The following ASCC3 variants were observed in gnomAD, a reference collection of about 807,000 sequenced individuals.
ASCC3 encodes ASC-1 complex subunit P200.
In ASCC3, 158 loss-of-function variants were observed where a neutral mutation model predicts 256.3. The ratio of observed to expected loss-of-function variants is 0.62; its 90% confidence interval spans 0.54 to 0.70. ASCC3 has a LOEUF of 0.70. Ranked by LOEUF, ASCC3 falls within the 30% of genes least tolerant of loss-of-function variation. The probability of loss-of-function intolerance (pLI) is 0.00; values close to 1 mark genes in which losing one functional copy is unlikely to be tolerated. For synonymous variants in ASCC3, 948 were observed against 883.4 expected (o/e 1.07, Z -1.30); for missense variants, 2,259 against 2,626.0 (o/e 0.86, Z 3.05).
intron 9 of ASCC3, 100 bp from the exon 10 acceptor site, chr6:100,766,805 T>C (rs1781680547): frequency 2.1e-6 from 3 of 1,402,700 alleles, no homozygotes; most frequent in Non-Finnish European, 3.0e-6. Context: ...GAAATATGTT[T>C]CTAACTACTT....
chr6:100,767,134 T>C lies in ASCC3; in HGVS notation c.1596+11A>G. The C allele has an allele frequency of 6.2e-7, 1 of 1,611,486 alleles. No individual in the cohort carries two copies. Among genetic ancestry groups the C allele is most frequent in the Non-Finnish European group, 8.5e-7 (1 of 1,177,648 alleles). On this transcript the variant is annotated intron_variant, in intron 9 of 41. Transcript: ENST00000369162. ...CAATTTAAAAAGCTGTTGTCTGATT[T>C]ATTTACTTACCTTAAATTCATTCTT... is the stretch of plus-strand genomic sequence containing the variant.
At chr6:100,610,655 T>C (rs183517653) in intron 30 of ASCC3, among the ~76,000 whole-genome samples, 191 of 152,276 alleles carry the variant, frequency 1.3e-3, no homozygotes, top group African/African-American at 4.5e-3. Flanking sequence ...GTTCATTCTG[T>C]TTGGCCACCT....
At chr6:100,766,405 C>T (rs1781657274) in intron 10 of ASCC3, among the ~76,000 whole-genome samples, 160 bp downstream of exon 10, 1 of 152,132 alleles carries the variant, frequency 6.6e-6, no homozygotes, top group Admixed American at 6.5e-5. Flanking sequence ...CCAGCAAAAA[C>T]TCTTTGTAGT....
Position 100,679,623 on chromosome 6 carries a change from T to C in ASCC3, c.2281A>G (p.Lys761Glu). 1 of 1,613,556 alleles carries C rather than the reference T, an allele frequency of 6.2e-7. No homozygotes were observed. The highest frequency in any genetic ancestry group is 1.7e-5 in the Admixed American group (1 of 60,006). ...TTGTCCTCTTTGTTTCTTACCTGTT[T>C]TTCTGCAAGTACATAGTCATGTCCT... ...TQGHDYVLAE[K>E]QVQRSRNKQV... The change falls in exon 14 of 42, where the codon AAA (lysine) becomes GAA (glutamate). Residue 761 changes from lysine to glutamate, a missense_variant. Physicochemically the swap from Lys to Glu is moderately conservative, Grantham distance 56. Transcript: ENST00000369162.
At position 100,629,038 on chromosome 6, in the gene ASCC3, A is replaced by G; in HGVS notation, c.4352T>C (p.Ile1451Thr). Residue 1451 changes from isoleucine (I) to threonine (T), a missense_variant, in exon 27 of 42, where the codon ATC becomes ACC. By Grantham distance (89) the Ile-to-Thr change is moderately conservative. Around this residue, in one of 2 missense-constraint regions of ASCC3, gnomAD observed 1,839 missense variants for 2,206.7 expected, o/e 0.83. Coordinates refer to ENST00000369162, the MANE Select transcript of ASCC3 (RefSeq NM_006828.4). Reference protein sequence around the residue: ...RNYVQQVTILIIDEIHLLGEE... With the variant: ...RNYVQQVTILTIDEIHLLGEE... ...ACCAAGCAGATGGATCTCATCTATG[A>G]TGAGAATAGTGACTTGCTGAACATA... 6.2e-7 allele frequency: 1 copy of G among 1,613,574 alleles called. No individual in the cohort carries two copies. Among genetic ancestry groups the G allele is most frequent in the Non-Finnish European group, 8.5e-7 (1 of 1,179,806 alleles).
intron 36 of ASCC3, among the ~76,000 whole-genome samples, chr6:100,582,389 T>C (rs1367772775): frequency 2.0e-5 from 3 of 151,678 alleles, no homozygotes; most frequent in Non-Finnish European, 4.4e-5. Flanking sequence ...TCTCTGTTTG[T>C]CTGTTATTGG....
In ASCC3 at chr6:100,510,114, AC is replaced by A. The variant is rs780855046; in HGVS notation, c.6286-8del. The A allele has an allele frequency of 1.2e-6, 2 of 1,613,892 alleles. No homozygotes were observed. The highest frequency in any genetic ancestry group is 2.7e-5 in the African/African-American group (2 of 74,922). On this transcript the variant is annotated splice_polypyrimidine_tract_variant and splice_region_variant and intron_variant, in intron 40 of 41. Coordinates refer to ENST00000369162, the MANE Select transcript of ASCC3 (RefSeq NM_006828.4). ...CACAGCTCTCTGGCTTTCCCTGTAAACCAGAAAAAAAGATACAACATTAAAA... is the reference window on the plus strand; with the variant it reads ...CACAGCTCTCTGGCTTTCCCTGTAAACAGAAAAAAAGATACAACATTAAAA...
chr6:100,512,673 T>C, intron 40 of ASCC3, 36 bp downstream of exon 40: 1 of 1,589,636 alleles, frequency 6.3e-7, no homozygotes, highest in Non-Finnish European at 8.6e-7. Context: ...TGGTATTTGG[T>C]GTGAAATATT....
intron 17 of ASCC3, 27 bp from the exon 18 acceptor site, chr6:100,652,916 G>T: frequency 6.2e-7 from 1 of 1,602,494 alleles, no homozygotes; most frequent in South Asian, 1.1e-5. Context: ...ATAAACAGTT[G>T]AATAGTGCTT....
chr6:100,767,398 T>C (rs1305756153), intron 8 of ASCC3, 53 bp from the exon 9 acceptor site: 4 of 1,504,362 alleles, frequency 2.7e-6, no homozygotes, highest in Non-Finnish European at 3.7e-6. Flanking sequence ...GAAGGACCCA[T>C]ACAAATCATT....
At chr6:100,761,433 G>C (rs1241974063) in intron 10 of ASCC3, among the ~76,000 whole-genome samples, 5 of 152,122 alleles carry the variant, frequency 3.3e-5, no homozygotes, top group Non-Finnish European at 7.4e-5. Flanking sequence ...GGCTGCAGTG[G>C]GCCATTACTG....
intron 37 of ASCC3, among the ~76,000 whole-genome samples, chr6:100,525,606 A>G (rs1381150347): frequency 1.3e-5 from 2 of 152,130 alleles, no homozygotes; most frequent in Middle Eastern, 3.2e-3. Context: ...AAAATTTTAA[A>G]AAGAAAAAGG....
At chr6:100,726,151 A>C (rs541590851) in intron 10 of ASCC3, among the ~76,000 whole-genome samples, 23 of 152,064 alleles carry the variant, frequency 1.5e-4, no homozygotes, top group Non-Finnish European at 2.9e-4. Context: ...TGACAGATTA[A>C]AAATAACCCA....
At chr6:100,869,457 T>G (rs1383474262) in intron 1 of ASCC3, among the ~76,000 whole-genome samples, 2 of 152,194 alleles carry the variant, frequency 1.3e-5, no homozygotes, top group Non-Finnish European at 1.5e-5. Flanking sequence ...ATAGAAATTT[T>G]TTAATAATGA....
chr6:100,607,429 C>A (rs1562160024), intron 30 of ASCC3, among the ~76,000 whole-genome samples: 3 of 151,818 alleles, frequency 2.0e-5, no homozygotes, highest in Non-Finnish European at 4.4e-5. Context: ...ATAAAAAACA[C>A]TGTTTTTGAA....
At chr6:100,602,574 T>C (rs1359527681) in intron 33 of ASCC3, among the ~76,000 whole-genome samples, 1 of 151,918 alleles carries the variant, frequency 6.6e-6, no homozygotes, top group Non-Finnish European at 1.5e-5. Context: ...GTACAGGACA[T>C]GGAGCAAGTA....
intron 20 of ASCC3, 103 bp from the exon 21 acceptor site, chr6:100,647,554 G>A: frequency 3.1e-6 from 3 of 982,704 alleles, no homozygotes; most frequent in South Asian, 2.7e-5. Context: ...TGCAAGTCAA[G>A]CTGCATCCTT....
chr6:100,877,537 T>A (rs1769041457), intron 1 of ASCC3, among the ~76,000 whole-genome samples: 1 of 152,200 alleles, frequency 6.6e-6, no homozygotes, highest in Non-Finnish European at 1.5e-5. Context: ...TCCTCCATTA[T>A]GCGATTTCAA....
At chr6:100,532,402 ATATATTTTTTTTT>A (rs1774953600) in intron 37 of ASCC3, among the ~76,000 whole-genome samples, 1 of 62,386 alleles carries the variant, frequency 1.6e-5, no homozygotes, top group East Asian at 5.9e-4. Flanking sequence ...ATATATATAT[ATATATTTTTTTTT>A]TTTTTTTTTT....
Sources: gnomAD v4.1 joint callset for allele counts (sites outside exome capture counted in the v4.1 genomes callset) on GRCh38, gnomAD v4.1.1 for gene constraint, gnomAD v4.1.1 regional missense constraint, MANE v1.5 for transcripts, NCBI Gene and HGNC (gene_info 2026-07-23, HGNC 2026-07-21) for gene names.